SUGCT: variants seen among roughly 807,000 people sequenced by gnomAD.
SUGCT encodes the protein succinyl-CoA:glutarate-CoA transferase.
Under a neutral mutation model 55.0 loss-of-function variants are expected in SUGCT, and 41 were observed. That is an observed-to-expected ratio of 0.74 (90% CI 0.58 to 0.97). SUGCT has a LOEUF of 0.97. Among genes scored for constraint, SUGCT ranks in the 50% least tolerant of loss-of-function variants. The probability of loss-of-function intolerance (pLI) is 0.00; values close to 1 mark genes in which losing one functional copy is unlikely to be tolerated. For synonymous variants in SUGCT, 187 were observed against 200.4 expected, an observed-to-expected ratio of 0.93 and a Z score of 0.56; for missense variants, 568 against 547.8, an observed-to-expected ratio of 1.04 and a Z score of -0.37.
intron 12 of SUGCT, among the ~76,000 whole-genome samples, chr7:40,576,376 A>T (rs527979923): frequency 6.6e-6 from 1 of 152,352 alleles, no homozygotes; most frequent in Admixed American, 6.5e-5. Context: ...AAAGGGAAAA[A>T]GGTCTGCCCT....
intron 6 of SUGCT, among the ~76,000 whole-genome samples, chr7:40,233,127 G>A (rs377127058): frequency 1.3e-5 from 2 of 151,806 alleles, no homozygotes; most frequent in South Asian, 2.1e-4. Context: ...TTTATTCATA[G>A]TACTGGTAGT....
the SUGCT span, among the ~76,000 whole-genome samples, chr7:40,884,924 G>A: frequency 1.3e-5 from 2 of 152,286 alleles, no homozygotes; most frequent in East Asian, 3.9e-4. Context: ...CTTGGTGTCA[G>A]ATGTACTTGG....
At chr7:40,907,484 G>T in the SUGCT span, among the ~76,000 whole-genome samples, 1 of 152,164 alleles carries the variant, frequency 6.6e-6, no homozygotes, top group East Asian at 1.9e-4. Context: ...CGCTAGCCTT[G>T]TAAAGCAGTG....
chr7:40,182,210 A>T (rs1368810483), intron 3 of SUGCT, among the ~76,000 whole-genome samples, 182 bp downstream of exon 3: 2 of 151,910 alleles, frequency 1.3e-5, no homozygotes, highest in African/African-American at 4.8e-5. Context: ...TATCTTTTTC[A>T]CTCCTTATGT....
At chr7:40,223,541 A>G (rs1311716859) in intron 6 of SUGCT, among the ~76,000 whole-genome samples, 2 of 152,224 alleles carry the variant, frequency 1.3e-5, no homozygotes, top group Non-Finnish European at 2.9e-5. Context: ...CAGGGCCACC[A>G]CATGTTTTAC....
At chr7:40,527,078 G>A (rs571496334) in intron 12 of SUGCT, among the ~76,000 whole-genome samples, 180 of 152,212 alleles carry the variant, frequency 1.2e-3, no homozygotes, top group African/African-American at 4.0e-3. Context: ...ACAGCAATGT[G>A]GCTTTCAGTA....
At chr7:40,299,814 C>T (rs201736189) in intron 8 of SUGCT, among the ~76,000 whole-genome samples, 1 of 152,010 alleles carries the variant, frequency 6.6e-6, no homozygotes, top group East Asian at 1.9e-4. Flanking sequence ...TTTTTGGAAT[C>T]AACAATTTTT....
At chr7:40,349,890 A>G (rs1203550487) in intron 9 of SUGCT, among the ~76,000 whole-genome samples, 3 of 152,108 alleles carry the variant, frequency 2.0e-5, no homozygotes, top group South Asian at 2.1e-4. Flanking sequence ...CTAATGCTAC[A>G]TTGTTCAGTC....
chr7:41,026,063 G>T, the SUGCT span, among the ~76,000 whole-genome samples: 5 of 152,208 alleles, frequency 3.3e-5, no homozygotes, highest in African/African-American at 9.6e-5. Context: ...GTGTGCAAAC[G>T]CAGGTCTATG....
chr7:40,955,302 A>T, the SUGCT span, among the ~76,000 whole-genome samples: 1 of 151,364 alleles, frequency 6.6e-6, no homozygotes, highest in Non-Finnish European at 1.5e-5. Flanking sequence ...TTTGTGTCTG[A>T]TTTCCTTGAG....
chr7:40,866,815 AGTGAATC>A, the SUGCT span, among the ~76,000 whole-genome samples: 1 of 152,086 alleles, frequency 6.6e-6, no homozygotes, highest in Non-Finnish European at 1.5e-5. Flanking sequence ...AGACTTGCTA[AGTGAATC>A]GTTAGCTGAA....
At chr7:40,288,105 TTATA>T (rs898887766) in intron 8 of SUGCT, among the ~76,000 whole-genome samples, 3 of 152,168 alleles carry the variant, frequency 2.0e-5, no homozygotes, top group Non-Finnish European at 4.4e-5. Flanking sequence ...ATTCTTAGGT[TTATA>T]TTCATAAGGG....
chr7:40,558,201 A>C (rs997735213), intron 12 of SUGCT, among the ~76,000 whole-genome samples: 15 of 152,148 alleles, frequency 9.9e-5, no homozygotes, highest in African/African-American at 3.6e-4. Flanking sequence ...TCTGTGAAAA[A>C]CAGCTTAGTA....
chr7:40,345,012 T>G (rs762519727), intron 9 of SUGCT, among the ~76,000 whole-genome samples: 7 of 152,192 alleles, frequency 4.6e-5, no homozygotes, highest in Non-Finnish European at 1.0e-4. Context: ...TTCCTTTATG[T>G]GGGGTCCCCC....
chr7:40,214,345 TTCA>T (rs1173187982), intron 6 of SUGCT, among the ~76,000 whole-genome samples: 1 of 152,220 alleles, frequency 6.6e-6, no homozygotes, highest in Non-Finnish European at 1.5e-5. Context: ...TTAGTCACTG[TTCA>T]TCACTTTATA....
intron 13 of SUGCT, among the ~76,000 whole-genome samples, chr7:40,777,402 G>A (rs573752377): frequency 5.9e-5 from 9 of 151,640 alleles, no homozygotes; most frequent in African/African-American, 2.2e-4. Context: ...AGACATCAGA[G>A]CCACATTCTG....
rs183500825 is a variant in SUGCT, at chr7:40,687,870, T to G, written c.1090-61564T>G. Among the ~76,000 whole-genome samples the G allele has an allele frequency of 1.8e-3, 273 of 152,270 alleles. 2 individuals carry two copies. Among genetic ancestry groups the G allele is most frequent in the African/African-American group, 6.4e-3 (267 of 41,562 alleles). ...TCCAGGTTCTATGAGTGAGCAAGCT[T>G]GAAGCAGAGAGGCGGTGGCTATACT... On this transcript the variant is annotated intron_variant, in intron 12 of 13. Transcript: ENST00000335693.
At chr7:40,821,782 T>C (rs1166133514) in intron 13 of SUGCT, among the ~76,000 whole-genome samples, 2 of 152,088 alleles carry the variant, frequency 1.3e-5, no homozygotes, top group African/African-American at 4.8e-5. Flanking sequence ...CTGCTCTGAT[T>C]TTAGTTACTT....
chr7:40,950,823 G>C, the SUGCT span, among the ~76,000 whole-genome samples: 1 of 152,284 alleles, frequency 6.6e-6, no homozygotes, highest in East Asian at 1.9e-4. Context: ...GATCATGGTG[G>C]ATAAGCTTTT....
Sources: allele counts gnomAD v4.1 joint callset (sites outside exome capture counted in the v4.1 genomes callset), GRCh38; gene constraint gnomAD v4.1.1; transcripts MANE v1.5; gene names NCBI Gene and HGNC (gene_info 2026-07-23, HGNC 2026-07-21).